The following CACNA1B variants were observed in gnomAD, a reference collection of about 807,000 sequenced individuals.
CACNA1B encodes calcium voltage-gated channel subunit alpha1 B.
In CACNA1B, 70 loss-of-function variants were observed where a neutral mutation model predicts 247.2. That is an observed-to-expected ratio of 0.28 (90% CI 0.23 to 0.35). The LOEUF is 0.35. Ranked by LOEUF, CACNA1B falls within the 10% of genes least tolerant of loss-of-function variation. The probability of loss-of-function intolerance (pLI) is 1.00; values close to 1 mark genes in which losing one functional copy is unlikely to be tolerated. For synonymous variants in CACNA1B, 1,231 were observed against 1,294.4 expected (o/e 0.95, Z 1.05); for missense variants, 2,367 against 3,197.4 (o/e 0.74, Z 6.26).
In CACNA1B at chr9:138,011,896, G is replaced by C. The variant is rs1008803823; in HGVS notation, c.2161-1233G>C. On this transcript the variant is annotated intron_variant, in intron 17 of 46. Coordinates refer to ENST00000371372, the MANE Select transcript of CACNA1B (RefSeq NM_000718.4). The surrounding 1 kb of genome is among the most constrained non-coding windows in gnomAD (Gnocchi z 4.2). The stretch of plus-strand genomic sequence containing the variant: ...GGGAGCCAGGTGGGTCTGGGCTTCA[G>C]GATTTTGAGGAAACAGTGGTGGCCC... Among the ~76,000 whole-genome samples, 1 of 152,200 alleles carries C rather than the reference G, an allele frequency of 6.6e-6. No individual in the cohort carries two copies. The highest frequency in any genetic ancestry group is 2.4e-5 in the African/African-American group (1 of 41,452).
intron 36 of CACNA1B, among the ~76,000 whole-genome samples, chr9:138,085,903 T>TC (rs1203428843): frequency 4.0e-5 from 6 of 150,608 alleles, no homozygotes. Context: ...CACAAGGGAG[T>TC]CCTACATCTG....
chr9:138,022,633 C>T (rs914260618), intron 18 of CACNA1B, among the ~76,000 whole-genome samples: 4 of 152,176 alleles, frequency 2.6e-5, no homozygotes, highest in Non-Finnish European at 5.9e-5. Context: ...ATCCGTCCTG[C>T]CCTTTGTAAC....
chr9:138,025,161 C>T lies in CACNA1B; in HGVS notation c.3275C>T (p.Thr1092Met), dbSNP rs200507317. 12 of 1,607,530 alleles carry T rather than the reference C, an allele frequency of 7.5e-6. No homozygotes were observed. Among genetic ancestry groups the T allele is most frequent in the South Asian group, 5.6e-5 (5 of 89,738 alleles). Residue 1092 changes from threonine to methionine, a missense_variant, in exon 20 of 47, where the codon ACG (threonine) becomes ATG (methionine). Coordinates refer to ENST00000371372, the MANE Select transcript of CACNA1B (RefSeq NM_000718.4). Reference protein sequence around the residue: ...VMLTGPLGEATVVPSGNVDLE... With the variant: ...VMLTGPLGEAMVVPSGNVDLE... ...CTGACGGGCCCTCTTGGGGAAGCCACGGTCGTTCCCAGTGAGTATCTCCCT... is the reference window on the plus strand; with the variant it reads ...CTGACGGGCCCTCTTGGGGAAGCCATGGTCGTTCCCAGTGAGTATCTCCCT...
At chr9:138,043,324 A>G (rs1240602791) in intron 20 of CACNA1B, among the ~76,000 whole-genome samples, 2 of 152,198 alleles carry the variant, frequency 1.3e-5, no homozygotes, top group African/African-American at 2.4e-5. Flanking sequence ...AGAAAATCCC[A>G]GGTCAAGGGA....
At chr9:138,096,045 T>C (rs1448357781) in intron 36 of CACNA1B, among the ~76,000 whole-genome samples, 1 of 152,174 alleles carries the variant, frequency 6.6e-6, no homozygotes, top group Non-Finnish European at 1.5e-5. Flanking sequence ...CACAATATTG[T>C]GAATACACTA....
At chr9:137,941,668 CAGAA>C (rs1397793863) in intron 6 of CACNA1B, among the ~76,000 whole-genome samples, 2 of 152,128 alleles carry the variant, frequency 1.3e-5, no homozygotes. Flanking sequence ...AGGCCAATGA[CAGAA>C]TAGAGAACCC....
At chr9:138,106,641 C>T (rs546178515) in intron 39 of CACNA1B, among the ~76,000 whole-genome samples, 4 of 152,100 alleles carry the variant, frequency 2.6e-5, no homozygotes, top group African/African-American at 4.8e-5. Context: ...GGTGGTGGCA[C>T]GTGCCTGTAT....
At chr9:138,056,364 G>A (rs377399774) in intron 26 of CACNA1B, among the ~76,000 whole-genome samples, 1 of 152,122 alleles carries the variant, frequency 6.6e-6, no homozygotes, top group South Asian at 2.1e-4. Flanking sequence ...AGCTTCTTTC[G>A]TGTGATGTTT....
At chr9:138,098,975 G>A (rs955333003) in intron 37 of CACNA1B, among the ~76,000 whole-genome samples, 7 of 152,248 alleles carry the variant, frequency 4.6e-5, no homozygotes, top group East Asian at 1.9e-4. Context: ...CAGAGCACAG[G>A]GCACCTTGAG....
intron 10 of CACNA1B, among the ~76,000 whole-genome samples, chr9:137,969,742 C>T (rs1254645675): frequency 6.6e-6 from 1 of 152,134 alleles, no homozygotes; most frequent in Non-Finnish European, 1.5e-5. Context: ...GAAGCATGTG[C>T]GTGTGTGACT....
At chr9:138,116,611 C>T (rs1258545961) in intron 42 of CACNA1B, among the ~76,000 whole-genome samples, 1 of 152,250 alleles carries the variant, frequency 6.6e-6, no homozygotes, top group Non-Finnish European at 1.5e-5. Context: ...AATTGAGCTT[C>T]TGTTATTTCT....
intron 21 of CACNA1B, 41 bp from the exon 22 acceptor site, chr9:138,046,863 C>T (rs201062595): frequency 1.5e-5 from 24 of 1,594,310 alleles, no homozygotes; most frequent in South Asian, 1.0e-4. Context: ...GTGGCGCGCC[C>T]GGCTGGGGGG....
At chr9:138,013,380 C>A (rs901687750) in intron 18 of CACNA1B, 145 bp downstream of exon 18, 20 of 602,972 alleles carry the variant, frequency 3.3e-5, no homozygotes, top group Middle Eastern at 4.5e-4. Context: ...CTCCTCGGAA[C>A]TGGGATGAGA....
In CACNA1B at chr9:138,050,290, T is replaced by G. The variant is rs1238963463; in HGVS notation, c.3710+975T>G. Among the ~76,000 whole-genome samples the G allele has an allele frequency of 2.4e-4, 37 of 152,218 alleles. No homozygotes were observed. Among genetic ancestry groups the G allele is most frequent in the Non-Finnish European group, 2.9e-5 (2 of 67,996 alleles). On this transcript the variant is annotated intron_variant, in intron 24 of 46. Coordinates refer to ENST00000371372, the MANE Select transcript of CACNA1B (RefSeq NM_000718.4). This position sits in a 1 kb window ranked among gnomAD's most constrained non-coding sequence, Gnocchi z 5.2. ...CGGGGAGCTGGGCTGGAGCTGGGCA[T>G]GGTCAGCCCTTGGTGAGGAGCTTGC...
Position 137,917,114 on chromosome 9 carries a change from G to T in CACNA1B, c.776-127G>T. On this transcript the variant is annotated intron_variant, in intron 5 of 46. Coordinates refer to ENST00000371372, the MANE Select transcript of CACNA1B (RefSeq NM_000718.4). This position sits in a 1 kb window ranked among gnomAD's most constrained non-coding sequence, Gnocchi z 5.5. ...GAGGAGGGATGGTGGGAAGTTGAGGGAGAGTTTCTGTTGGTGGCTGGTTCC... is the reference window on the plus strand; with the variant it reads ...GAGGAGGGATGGTGGGAAGTTGAGGTAGAGTTTCTGTTGGTGGCTGGTTCC... 3 of 774,328 alleles carry T rather than the reference G, an allele frequency of 3.9e-6. No individual in the cohort carries two copies. In the South Asian group the frequency reaches 5.5e-5, roughly 14 times the overall value. 48.0% of individuals were successfully genotyped at this position (774,328 alleles called of 1,614,324 possible). A position where few individuals can be genotyped will look rare whatever the true frequency, so the allele number is the denominator to read the frequency against.
At chr9:137,903,616 C>T (rs1448875605) in intron 3 of CACNA1B, among the ~76,000 whole-genome samples, 1 of 152,114 alleles carries the variant, frequency 6.6e-6, no homozygotes, top group Non-Finnish European at 1.5e-5. Flanking sequence ...TTGTTGTAGT[C>T]CCAATAACCC....
chr9:137,917,302 C>T lies in CACNA1B; in HGVS notation c.837C>T (p.Gly279=), dbSNP rs199980453. The T allele has an allele frequency of 2.9e-5, 47 of 1,613,798 alleles. No homozygotes were observed. Among genetic ancestry groups the T allele is most frequent in the Non-Finnish European group, 3.4e-5 (40 of 1,179,846 alleles). ...GKEAPARLCE[G]DTECREYWPG... is the part of the protein sequence containing the mutation. ...AGGCCCCAGCCCGGCTGTGCGAGGG[C>T]GACACTGAGTGCCGGGAGTACTGGC... The change falls in exon 6 of 47, where the codon GGC becomes GGT. Residue 279 remains glycine (G), a synonymous_variant. Coordinates refer to ENST00000371372, the MANE Select transcript of CACNA1B (RefSeq NM_000718.4). This position sits in a 1 kb window ranked among gnomAD's most constrained non-coding sequence, Gnocchi z 5.5.
rs1033807549 is a variant in CACNA1B, at chr9:137,919,682, G to A, written c.966+2251G>A. ...GCAATGACATCTGGGTTCTTTGTGGGCGGAAGCCCACGGCCTGCAGTAGGG... is the reference window on the plus strand; with the variant it reads ...GCAATGACATCTGGGTTCTTTGTGGACGGAAGCCCACGGCCTGCAGTAGGG... On this transcript the variant is annotated intron_variant, in intron 6 of 46. Coordinates refer to ENST00000371372, the MANE Select transcript of CACNA1B (RefSeq NM_000718.4). The surrounding 1 kb of genome is among the most constrained non-coding windows in gnomAD (Gnocchi z 4.6). 3.3e-5 allele frequency among the ~76,000 whole-genome samples: 5 copies of A among 152,262 alleles called. No homozygotes were observed. Among genetic ancestry groups the A allele is most frequent in the African/African-American group, 1.2e-4 (5 of 41,464 alleles).
chr9:137,996,909 A>T (rs1228510282), intron 15 of CACNA1B, among the ~76,000 whole-genome samples: 1 of 152,248 alleles, frequency 6.6e-6, no homozygotes, highest in Admixed American at 6.5e-5. Context: ...TCACTTCTGC[A>T]AACACAGAAG....
Sources: allele counts gnomAD v4.1 joint callset (sites outside exome capture counted in the v4.1 genomes callset), GRCh38; gene constraint gnomAD v4.1.1; non-coding constraint Gnocchi (gnomAD v3.1); transcripts MANE v1.5; gene names NCBI Gene and HGNC (gene_info 2026-07-23, HGNC 2026-07-21).